The following SV2C variants were observed in gnomAD, a reference collection of about 807,000 sequenced individuals.
The protein encoded by SV2C is synaptic vesicle glycoprotein 2C.
In SV2C, 49 loss-of-function variants were observed where a neutral mutation model predicts 79.7. The observed-to-expected ratio is 0.61, with a 90% CI of 0.49 to 0.78. The LOEUF is 0.78. Ranked by LOEUF, SV2C falls within the 30% of genes least tolerant of loss-of-function variation. SV2C has a pLI of 0.00. For synonymous variants in SV2C, 334 were observed against 333.2 expected, an observed-to-expected ratio of 1.00 and a Z score of -0.03; for missense variants, 833 against 912.9, an observed-to-expected ratio of 0.91 and a Z score of 1.13.
chr5:75,881,971 C>T, the SV2C span, among the ~76,000 whole-genome samples: 1 of 148,152 alleles, frequency 6.7e-6, no homozygotes, highest in Non-Finnish European at 1.5e-5. Context: ...AAATACGTCC[C>T]ATCAATACCT....
At chr5:75,989,525 G>A in the SV2C span, among the ~76,000 whole-genome samples, 41,719 of 151,838 alleles carry the variant, frequency 0.27, 6,314 homozygotes, top group East Asian at 0.66. Context: ...TCTTTATCCA[G>A]TCTATCATTG....
chr5:76,225,617 T>C (rs1230952514), intron 4 of SV2C, among the ~76,000 whole-genome samples: 1 of 152,096 alleles, frequency 6.6e-6, no homozygotes, highest in African/African-American at 2.4e-5. Flanking sequence ...TTGTGTAATC[T>C]AGTGGTAGCC....
intron 4 of SV2C, among the ~76,000 whole-genome samples, chr5:76,238,304 A>ATGTG (rs112691264): frequency 0.017 from 2,519 of 149,620 alleles, 40 homozygotes; most frequent in Middle Eastern, 0.065. Flanking sequence ...GTGTGTGTGT[A>ATGTG]TGTGTGTGTG....
In SV2C at chr5:76,126,746, C is replaced by G. The variant is rs117695472; in HGVS notation, c.-101-4904C>G. ...AGTCTGCTGGCATGGGGGCTGCCTT[C>G]TACACACCCATGCTGTTTCAGATCC... On this transcript the variant is annotated intron_variant, in intron 1 of 12. Transcript: ENST00000502798. Among the ~76,000 whole-genome samples, 761 of 152,284 alleles carry G rather than the reference C, an allele frequency of 5.0e-3. 11 individuals carry two copies. In the East Asian group the frequency reaches 0.053, roughly 11 times the overall value.
At chr5:76,094,279 G>A (rs1055965468) in intron 1 of SV2C, among the ~76,000 whole-genome samples, 6 of 152,196 alleles carry the variant, frequency 3.9e-5, no homozygotes, top group African/African-American at 1.4e-4. Flanking sequence ...GTAGCCAAAA[G>A]CATATCTCCA....
the SV2C span, among the ~76,000 whole-genome samples, chr5:76,050,667 G>A: frequency 1.0e-3 from 156 of 151,984 alleles, 3 homozygotes; most frequent in East Asian, 0.029. Flanking sequence ...AAAACCCTCC[G>A]GAGCACTTAA....
At chr5:76,187,956 A>G (rs958632466) in intron 2 of SV2C, among the ~76,000 whole-genome samples, 2 of 151,976 alleles carry the variant, frequency 1.3e-5, no homozygotes, top group Non-Finnish European at 2.9e-5. Context: ...CGTGATGCCA[A>G]TAGTAATATT....
chr5:76,084,243 C>T (rs1341133043), intron 1 of SV2C: 1 of 152,254 alleles, frequency 6.6e-6, no homozygotes, highest in Non-Finnish European at 1.5e-5. Context: ...TGCGCCAGGC[C>T]AGGCGAAGCA....
Position 76,180,295 on chromosome 5 carries a change from A to G in SV2C, c.581-14624A>G, listed in dbSNP as rs188663556. Among the ~76,000 whole-genome samples, 266 of 152,350 alleles carry G rather than the reference A, an allele frequency of 1.7e-3. 2 individuals carry two copies. The highest frequency in any genetic ancestry group is 0.015 in the Admixed American group (232 of 15,302). ...TTAATATAAAGGAGACTTTTCTGGA[A>G]AAATATTTTTTAAGGTAGTTATGCT... On this transcript the variant is annotated intron_variant, in intron 2 of 12. Coordinates refer to ENST00000502798, the MANE Select transcript of SV2C (RefSeq NM_014979.4).
chr5:76,080,738 G>A (rs1386229114), upstream of SV2C, among the ~76,000 whole-genome samples: 1 of 152,212 alleles, frequency 6.6e-6, no homozygotes, highest in Non-Finnish European at 1.5e-5. Context: ...AGGTGTAGGA[G>A]AGCAATGACT....
intron 2 of SV2C, among the ~76,000 whole-genome samples, chr5:76,146,571 C>G (rs1458066729): frequency 6.6e-6 from 1 of 152,034 alleles, no homozygotes. Flanking sequence ...TTTACTGCAA[C>G]CTGTTTTATC....
At chr5:76,292,018 C>G (rs752174350) in intron 8 of SV2C, among the ~76,000 whole-genome samples, 162 bp downstream of exon 8, 1 of 151,982 alleles carries the variant, frequency 6.6e-6, no homozygotes, top group Non-Finnish European at 1.5e-5. Flanking sequence ...TTTTATAAAC[C>G]AGTTATTTTA....
At chr5:76,031,039 C>T in the SV2C span, among the ~76,000 whole-genome samples, 1 of 152,154 alleles carries the variant, frequency 6.6e-6, no homozygotes, top group Non-Finnish European at 1.5e-5. Flanking sequence ...TATTCATCAG[C>T]ATATCATGAT....
intron 1 of SV2C, among the ~76,000 whole-genome samples, chr5:76,114,790 T>C (rs1748212511): frequency 2.0e-5 from 3 of 152,258 alleles, no homozygotes; most frequent in Admixed American, 2.0e-4. Context: ...GGGAAAGGCA[T>C]GACCAACTTA....
At chr5:76,213,007 A>T (rs756903769) in intron 4 of SV2C, among the ~76,000 whole-genome samples, 23 of 152,222 alleles carry the variant, frequency 1.5e-4, no homozygotes, top group Non-Finnish European at 3.1e-4. Flanking sequence ...AATGCATGAA[A>T]AGTTACAAAA....
intron 4 of SV2C, among the ~76,000 whole-genome samples, chr5:76,225,591 A>G (rs1450766595): frequency 6.6e-6 from 1 of 152,116 alleles, no homozygotes; most frequent in African/African-American, 2.4e-5. Flanking sequence ...TCTTAATCAA[A>G]CAAAAAAAAT....
chr5:76,140,022 A>C (rs1270058321), intron 2 of SV2C, among the ~76,000 whole-genome samples: 1 of 152,144 alleles, frequency 6.6e-6, no homozygotes, highest in Non-Finnish European at 1.5e-5. Context: ...ATATTTACAA[A>C]TCTGGGATAT....
At chr5:75,980,298 T>C in the SV2C span, among the ~76,000 whole-genome samples, 1 of 151,960 alleles carries the variant, frequency 6.6e-6, no homozygotes, top group African/African-American at 2.4e-5. Context: ...CAATGAAGAC[T>C]GTACTATTCT....
upstream of SV2C, chr5:76,078,655 C>A: frequency 2.3e-6 from 1 of 437,048 alleles, no homozygotes; most frequent in Non-Finnish European, 4.5e-6. Context: ...CAGGGAGGGC[C>A]TCGCCTCACT....
Sources: allele counts gnomAD v4.1 joint callset (sites outside exome capture counted in the v4.1 genomes callset), GRCh38; gene constraint gnomAD v4.1.1; transcripts MANE v1.5; gene names NCBI Gene and HGNC (gene_info 2026-07-23, HGNC 2026-07-21).